MYBL2: variants seen among roughly 807,000 people sequenced by gnomAD.
MYBL2 encodes myb-related protein B.
MYBL2 carries 28 observed loss-of-function variants against 79.9 expected under a neutral mutation model. That is an observed-to-expected ratio of 0.35 (90% CI 0.26 to 0.48). The LOEUF (loss-of-function observed/expected upper bound fraction) is 0.48. Ranked by LOEUF, MYBL2 falls within the 20% of genes least tolerant of loss-of-function variation. The pLI is 0.99. For synonymous variants in MYBL2, 378 were observed against 361.2 expected (o/e 1.05, Z -0.53); for missense variants, 735 against 893.9 (o/e 0.82, Z 2.27).
intron 6 of MYBL2, among the ~76,000 whole-genome samples, chr20:43,698,757 C>G (rs1429314685): frequency 1.3e-5 from 2 of 148,164 alleles, no homozygotes; most frequent in Non-Finnish European, 3.0e-5. Context: ...CAACCTTGAA[C>G]TCATGAACTC....
At chr20:43,713,849 A>C (rs1987967790) in intron 12 of MYBL2, among the ~76,000 whole-genome samples, 2 of 152,216 alleles carry the variant, frequency 1.3e-5, no homozygotes, top group South Asian at 4.1e-4. Flanking sequence ...CCCAGAAGCC[A>C]GGGTGTGCTG....
intron 2 of MYBL2, among the ~76,000 whole-genome samples, chr20:43,680,402 A>G (rs1321058347): frequency 6.6e-6 from 1 of 152,262 alleles, no homozygotes; most frequent in African/African-American, 2.4e-5. Flanking sequence ...TTGACTTAGC[A>G]TAGTGTCCTC....
chr20:43,674,233 C>CCA lies in MYBL2; in HGVS notation c.114+335_114+336insAC, dbSNP rs1555809929. The stretch of plus-strand genomic sequence containing the variant: ...TGGCCAAATCTGTAACTCCCCCCAC[C>CCA]CTTTTTTTTTTTTTTTTTTTGAGAC... On this transcript the variant is annotated intron_variant, in intron 2 of 13. Coordinates refer to ENST00000217026, the MANE Select transcript of MYBL2 (RefSeq NM_002466.4). Among the ~76,000 whole-genome samples the CCA allele has an allele frequency of 2.0e-5, 2 of 98,112 alleles. 1 individual carries two copies. The highest frequency in any genetic ancestry group is 2.1e-4 in the Admixed American group (2 of 9,750). 64.4% of individuals were successfully genotyped at this position (98,112 alleles called of 152,430 possible). A position where few individuals can be genotyped will look rare whatever the true frequency, so the allele number is the denominator to read the frequency against.
chr20:43,678,560 A>G (rs982544546), intron 2 of MYBL2, among the ~76,000 whole-genome samples: 1 of 152,014 alleles, frequency 6.6e-6, no homozygotes, highest in African/African-American at 2.4e-5. Context: ...TGGGGGATCG[A>G]TAAGAGAGAT....
rs71193702 is a variant in MYBL2, at chr20:43,706,719, G to GTTTT, written c.1505+1372_1505+1375dup. Among the ~76,000 whole-genome samples the GTTTT allele has an allele frequency of 1.4e-4, 10 of 70,780 alleles. 2 individuals carry two copies. Among genetic ancestry groups the GTTTT allele is most frequent in the African/African-American group, 3.0e-4 (5 of 16,752 alleles). 46.4% of individuals were successfully genotyped at this position (70,780 alleles called of 152,430 possible). ...CTGTCTGTACACAAAAAAAAAAAAA[G>GTTTT]TTTTTTTTTTTTTTGAGATGGAGTC... On this transcript the variant is annotated intron_variant, in intron 9 of 13. Transcript: ENST00000217026.
At chr20:43,711,820 A>G (rs1201045373) in intron 11 of MYBL2, among the ~76,000 whole-genome samples, 1 of 152,158 alleles carries the variant, frequency 6.6e-6, no homozygotes, top group Non-Finnish European at 1.5e-5. Context: ...GGATTCACTT[A>G]CTTATCCAGC....
At chr20:43,709,551 C>T (rs535849710) in intron 9 of MYBL2, among the ~76,000 whole-genome samples, 1 of 152,268 alleles carries the variant, frequency 6.6e-6, no homozygotes, top group African/African-American at 2.4e-5. Context: ...CACCTCTCGC[C>T]CCTCCTTTCC....
At chr20:43,698,156 C>A (rs1987593127) in intron 6 of MYBL2, among the ~76,000 whole-genome samples, 1 of 148,476 alleles carries the variant, frequency 6.7e-6, no homozygotes, top group Non-Finnish European at 1.5e-5. Context: ...CTATTTTTTC[C>A]CAGTTTGGTA....
In MYBL2 at chr20:43,694,246, G is replaced by A. The variant is rs926809774; in HGVS notation, c.663+1927G>A. ...ACCCAGGAGGCTGAGGCAGGAGAAT[G>A]GCGTGAACCCGGGAGGCAGAGCTTG... is the stretch of plus-strand genomic sequence containing the variant. On this transcript the variant is annotated intron_variant, in intron 6 of 13. Coordinates refer to ENST00000217026, the MANE Select transcript of MYBL2 (RefSeq NM_002466.4). Among the ~76,000 whole-genome samples, 12 of 151,384 alleles carry A rather than the reference G, an allele frequency of 7.9e-5. 1 individual carries two copies. In the South Asian group the frequency reaches 2.5e-3, roughly 32 times the overall value.
intron 3 of MYBL2, among the ~76,000 whole-genome samples, 173 bp downstream of exon 3, chr20:43,682,028 G>C (rs1388202367): frequency 6.6e-6 from 1 of 152,218 alleles, no homozygotes; most frequent in Non-Finnish European, 1.5e-5. Flanking sequence ...TCCCAAGCTG[G>C]CATTCAGGGT....
intron 2 of MYBL2, among the ~76,000 whole-genome samples, chr20:43,674,461 A>C (rs1423249582): frequency 3.3e-5 from 5 of 149,604 alleles, no homozygotes; most frequent in Non-Finnish European, 7.4e-5. Context: ...ATCTTGGCTC[A>C]CTGCAACCTC....
At position 43,686,965 on chromosome 20, in the gene MYBL2, T is replaced by C; in HGVS notation, c.393T>C (p.Pro131=). The change falls in exon 5 of 14, where the codon CCT becomes CCC. Residue 131 remains proline, a synonymous_variant. Coordinates refer to ENST00000217026, the MANE Select transcript of MYBL2 (RefSeq NM_002466.4). ...AACGCTGGCACAACCACCTCAACCC[T>C]GAGGTGAAGAAGTCTTGCTGGACCG... ...CRERWHNHLN[P]EVKKSCWTEE... 2 of 1,614,146 alleles carry C rather than the reference T, an allele frequency of 1.2e-6. No individual in the cohort carries two copies. The highest frequency in any genetic ancestry group is 1.7e-6 in the Non-Finnish European group (2 of 1,180,022).
At chr20:43,707,620 C>T (rs1459172887) in intron 9 of MYBL2, among the ~76,000 whole-genome samples, 1 of 152,120 alleles carries the variant, frequency 6.6e-6, no homozygotes, top group Non-Finnish European at 1.5e-5. Flanking sequence ...TCTCGAACTC[C>T]TGACTCAAAT....
rs754067869 is a variant in MYBL2, at chr20:43,702,708, C to T, written c.1170C>T (p.Ile390=). The change falls in exon 8 of 14, where the codon ATC becomes ATT. Residue 390 remains isoleucine (I), a synonymous_variant. Coordinates refer to ENST00000217026, the MANE Select transcript of MYBL2 (RefSeq NM_002466.4). Reference sequence around the variant, plus strand: ...GCCGGAGCAGCCGGGGCGAGCTGATCCCCATCTCCCCCAGCACTGAAGTCG... The same window carrying T: ...GCCGGAGCAGCCGGGGCGAGCTGATTCCCATCTCCCCCAGCACTGAAGTCG... ...DLSRSSRGEL[I]PISPSTEVGG... The T allele has an allele frequency of 5.0e-6, 8 of 1,613,734 alleles. No homozygotes were observed. Among genetic ancestry groups the T allele is most frequent in the South Asian group, 1.1e-5 (1 of 91,076 alleles).
intron 5 of MYBL2, among the ~76,000 whole-genome samples, chr20:43,688,561 C>T (rs1174696887): frequency 6.6e-6 from 1 of 152,066 alleles, no homozygotes; most frequent in Non-Finnish European, 1.5e-5. Context: ...TGGCTCATTG[C>T]AGCTTCACCC....
rs2145728994 is a variant in MYBL2, at chr20:43,702,761, C to T, written c.1223C>T (p.Ser408Phe). 1.2e-6 allele frequency: 2 copies of T among 1,614,216 alleles called. No individual in the cohort carries two copies. Among genetic ancestry groups the T allele is most frequent in the Non-Finnish European group, 1.7e-6 (2 of 1,180,040 alleles). Residue 408 changes from serine to phenylalanine, a missense_variant, in exon 8 of 14, where the codon TCT (serine) becomes TTT (phenylalanine). Transcript: ENST00000217026. ...GGCTCTGGCATTGGCACACCGCCCTCTGTGCTCAAGCGGCAGAGGAAGAGG... is the reference window on the plus strand; with the variant it reads ...GGCTCTGGCATTGGCACACCGCCCTTTGTGCTCAAGCGGCAGAGGAAGAGG... ...VGGSGIGTPP[S>F]VLKRQRKRRV...
At chr20:43,698,332 G>A (rs985611303) in intron 6 of MYBL2, among the ~76,000 whole-genome samples, 2 of 143,996 alleles carry the variant, frequency 1.4e-5, no homozygotes, top group African/African-American at 2.6e-5. Flanking sequence ...TTACAGGTGT[G>A]AGCCACCACG....
At chr20:43,676,758 C>A (rs182174493) in intron 2 of MYBL2, among the ~76,000 whole-genome samples, 3 of 152,260 alleles carry the variant, frequency 2.0e-5, no homozygotes, top group Admixed American at 6.5e-5. Flanking sequence ...TTTTAGACTT[C>A]TACTGGCCTT....
chr20:43,707,199 A>T (rs1180836000), intron 9 of MYBL2, among the ~76,000 whole-genome samples: 4 of 151,158 alleles, frequency 2.6e-5, no homozygotes, highest in African/African-American at 9.7e-5. Flanking sequence ...TTTTTTTAAA[A>T]AAAAAAGAGA....
Sources: gnomAD v4.1 joint callset for allele counts (sites outside exome capture counted in the v4.1 genomes callset) on GRCh38, gnomAD v4.1.1 for gene constraint, MANE v1.5 for transcripts, NCBI Gene and HGNC (gene_info 2026-07-23, HGNC 2026-07-21) for gene names.